The following TMEM132D variants were observed in gnomAD, a reference collection of about 807,000 sequenced individuals.
The protein encoded by TMEM132D is mature OL transmembrane protein.
In TMEM132D, 21 loss-of-function variants were observed where a neutral mutation model predicts 62.3. That is an observed-to-expected ratio of 0.34 (90% CI 0.24 to 0.49). TMEM132D has a LOEUF of 0.49. Ranked by LOEUF, TMEM132D falls within the 20% of genes least tolerant of loss-of-function variation. The pLI is 0.99. For missense variants in TMEM132D, 1,346 were observed against 1,402.8 expected (o/e 0.96, Z 0.65); for synonymous variants, 621 against 575.6 (o/e 1.08, Z -1.13).
intron 8 of TMEM132D, among the ~76,000 whole-genome samples, chr12:129,076,876 C>T (rs564838194): frequency 2.0e-5 from 3 of 152,166 alleles, no homozygotes; most frequent in East Asian, 1.9e-4. Flanking sequence ...GCTGGTGGTC[C>T]GCTGATGTTA....
At chr12:129,819,308 AGAATT>A (rs1872475562) in intron 1 of TMEM132D, among the ~76,000 whole-genome samples, 1 of 152,126 alleles carries the variant, frequency 6.6e-6, no homozygotes, top group East Asian at 1.9e-4. Flanking sequence ...GCTACAAAGG[AGAATT>A]GGCATCTGGT....
intron 4 of TMEM132D, among the ~76,000 whole-genome samples, chr12:129,330,872 A>G (rs1354951675): frequency 6.6e-6 from 1 of 152,224 alleles, no homozygotes; most frequent in Non-Finnish European, 1.5e-5. Flanking sequence ...GGAAGGACTT[A>G]GAGTGCAAAT....
chr12:129,396,800 T>C (rs1220581380), intron 3 of TMEM132D, among the ~76,000 whole-genome samples: 1 of 152,212 alleles, frequency 6.6e-6, no homozygotes, highest in Non-Finnish European at 1.5e-5. Flanking sequence ...AATTTTTTAT[T>C]TCTTAAAAAT....
chr12:129,816,445 CTG>C (rs2137320475), intron 1 of TMEM132D, among the ~76,000 whole-genome samples: 1 of 152,306 alleles, frequency 6.6e-6, no homozygotes, highest in South Asian at 2.1e-4. Flanking sequence ...CTGAAAAACT[CTG>C]GGCCTATTTA....
chr12:129,765,318 G>C (rs568270020), intron 1 of TMEM132D, among the ~76,000 whole-genome samples: 1 of 152,092 alleles, frequency 6.6e-6, no homozygotes, highest in Non-Finnish European at 1.5e-5. Context: ...TGTAATCCCA[G>C]AACTTTGAGA....
chr12:129,471,897 G>T (rs1344284133), intron 3 of TMEM132D, among the ~76,000 whole-genome samples: 1 of 152,244 alleles, frequency 6.6e-6, no homozygotes, highest in African/African-American at 2.4e-5. Flanking sequence ...TCCAGAGCAA[G>T]GCCCTAACTC....
chr12:129,541,982 A>C (rs1454306951), intron 2 of TMEM132D, among the ~76,000 whole-genome samples: 6 of 152,218 alleles, frequency 3.9e-5, no homozygotes, highest in African/African-American at 1.4e-4. Flanking sequence ...AGCAAAACAA[A>C]ACAAAAAGAA....
intron 4 of TMEM132D, among the ~76,000 whole-genome samples, chr12:129,226,406 G>A (rs9805018): frequency 0.72 from 110,211 of 152,160 alleles, 40,871 homozygotes; most frequent in East Asian, 0.98. Context: ...GGACTTAAGA[G>A]GCATCTCAAG....
At chr12:129,272,918 A>T (rs1443718382) in intron 4 of TMEM132D, among the ~76,000 whole-genome samples, 1 of 151,824 alleles carries the variant, frequency 6.6e-6, no homozygotes, top group Non-Finnish European at 1.5e-5. Flanking sequence ...AAAATTAGCC[A>T]GCTGTGGTGG....
At chr12:129,311,724 C>A (rs1401659353) in intron 4 of TMEM132D, among the ~76,000 whole-genome samples, 2 of 152,144 alleles carry the variant, frequency 1.3e-5, no homozygotes, top group African/African-American at 2.4e-5. Context: ...AAAGAGGATA[C>A]CCTGAGTGAT....
rs1427601081 is a variant in TMEM132D at position 129,388,750 on chromosome 12, A to G, written c.1116-50933T>C. Among the ~76,000 whole-genome samples the G allele has an allele frequency of 2.3e-5, 3 of 128,360 alleles. No homozygotes were observed. The East Asian group carries it at 6.1e-4, about 26-fold the overall frequency. The allele number at this position is 128,360 out of a possible 152,430, so 84.2% of individuals were successfully genotyped here. ...CATCCTAATATAAACACTAACAGCA[A>G]CACCAATACTAACACCAACACCAAT... On this transcript the variant is annotated intron_variant, in intron 3 of 8. Transcript: ENST00000422113.
intron 3 of TMEM132D, among the ~76,000 whole-genome samples, chr12:129,357,268 A>C (rs1870096989): frequency 6.7e-6 from 1 of 150,272 alleles, no homozygotes; most frequent in Non-Finnish European, 1.5e-5. Flanking sequence ...AAGAAAAGAA[A>C]GAAGGGAGGG....
At chr12:129,223,430 C>T (rs371010346) in intron 4 of TMEM132D, among the ~76,000 whole-genome samples, 14 of 152,260 alleles carry the variant, frequency 9.2e-5, no homozygotes, top group African/African-American at 3.1e-4. Flanking sequence ...AGACTGTAAT[C>T]GGTATCCCCC....
At chr12:129,360,006 A>T (rs1361053031) in intron 3 of TMEM132D, among the ~76,000 whole-genome samples, 1 of 152,152 alleles carries the variant, frequency 6.6e-6, no homozygotes, top group Non-Finnish European at 1.5e-5. Context: ...ATGAGAAAAA[A>T]AAAAAACCCC....
chr12:129,372,823 T>G (rs1245360513), intron 3 of TMEM132D, among the ~76,000 whole-genome samples: 4 of 152,088 alleles, frequency 2.6e-5, no homozygotes, highest in African/African-American at 9.7e-5. Context: ...TATTTCGTTA[T>G]ATGTTACAAT....
chr12:129,586,162 C>T (rs969991416), intron 2 of TMEM132D, among the ~76,000 whole-genome samples: 1 of 152,122 alleles, frequency 6.6e-6, no homozygotes, highest in Admixed American at 6.6e-5. Context: ...AGCTCCCAGC[C>T]TCCTCTGCAG....
chr12:129,100,673 T>A (rs914357142), intron 5 of TMEM132D, among the ~76,000 whole-genome samples: 1 of 152,230 alleles, frequency 6.6e-6, no homozygotes, highest in Non-Finnish European at 1.5e-5. Flanking sequence ...ATTGCCCATG[T>A]CTTACAGATG....
intron 4 of TMEM132D, among the ~76,000 whole-genome samples, chr12:129,247,899 A>G (rs985597379): frequency 1.3e-5 from 2 of 151,998 alleles, no homozygotes; most frequent in Non-Finnish European, 2.9e-5. Flanking sequence ...TAATAATAAA[A>G]CTTGAAAAAA....
At chr12:129,890,101 A>G (rs1449949228) in intron 1 of TMEM132D, among the ~76,000 whole-genome samples, 2 of 152,206 alleles carry the variant, frequency 1.3e-5, no homozygotes, top group African/African-American at 4.8e-5. Context: ...TGGCACACAG[A>G]ACACCAGTTC....
Sources: gnomAD v4.1 joint callset for allele counts (sites outside exome capture counted in the v4.1 genomes callset) on GRCh38, gnomAD v4.1.1 for gene constraint, MANE v1.5 for transcripts, NCBI Gene and HGNC (gene_info 2026-07-23, HGNC 2026-07-21) for gene names.